Variants in NECTIN3 observed in about 807,000 individuals in gnomAD.
The protein encoded by NECTIN3 is nectin-3.
NECTIN3 carries 8 observed loss-of-function variants against 49.4 expected under a neutral mutation model. That is an observed-to-expected ratio of 0.16 (90% CI 0.10 to 0.29). The LOEUF (loss-of-function observed/expected upper bound fraction) is 0.29. Among genes scored for constraint, NECTIN3 ranks in the 10% least tolerant of loss-of-function variants. The probability of loss-of-function intolerance (pLI) is 1.00; values close to 1 mark genes in which losing one functional copy is unlikely to be tolerated. For missense variants in NECTIN3, 581 were observed against 654.6 expected (o/e 0.89, Z 1.23); for synonymous variants, 277 against 241.1 (o/e 1.15, Z -1.38).
intron 1 of NECTIN3, among the ~76,000 whole-genome samples, chr3:111,076,813 A>G (rs2031231369): frequency 6.6e-6 from 1 of 151,922 alleles, no homozygotes; most frequent in African/African-American, 2.4e-5. Flanking sequence ...CGTCTTTACC[A>G]AAAATACAAA....
chr3:111,185,313 CGT>C lies in NECTIN3; in HGVS notation c.1222-7028_1222-7027del, dbSNP rs1278415855. Among the ~76,000 whole-genome samples the C allele has an allele frequency of 1.8e-4, 27 of 151,956 alleles. No homozygotes were observed. The East Asian group carries it at 5.0e-3, about 28-fold the overall frequency. On this transcript the variant is annotated intron_variant, in intron 7 of 8. Coordinates refer to the NECTIN3 transcript ENST00000493615. ...GAGTTATCAAAAGATAACACATGTG[CGT>C]GTGTGTGTGCGAGTGTGTGTGGATG...
intron 1 of NECTIN3, among the ~76,000 whole-genome samples, chr3:111,079,403 C>T (rs924512225): frequency 3.8e-4 from 58 of 151,574 alleles, no homozygotes; most frequent in African/African-American, 1.3e-3. Flanking sequence ...TTTAAATGTC[C>T]TTTCATTATA....
intron 7 of NECTIN3, among the ~76,000 whole-genome samples, chr3:111,169,000 ACTTTT>A (rs980544577): frequency 6.7e-6 from 1 of 149,934 alleles, no homozygotes; most frequent in African/African-American, 2.5e-5. Flanking sequence ...GAAAACATAT[ACTTTT>A]CTTTATTCAC....
At chr3:111,124,480 G>A (rs113501970) in intron 4 of NECTIN3, among the ~76,000 whole-genome samples, 9 of 152,264 alleles carry the variant, frequency 5.9e-5, no homozygotes, top group African/African-American at 1.7e-4. Flanking sequence ...AAAGGTAATT[G>A]TTAAGACATA....
intron 1 of NECTIN3, among the ~76,000 whole-genome samples, chr3:111,193,741 G>C (rs1297628433): frequency 6.6e-6 from 1 of 152,150 alleles, no homozygotes; most frequent in Non-Finnish European, 1.5e-5. Context: ...ACCTCGTTGG[G>C]TCTCAGGCAT....
At chr3:111,189,558 G>C (rs562079663), upstream of NECTIN3, among the ~76,000 whole-genome samples, 1 of 152,322 alleles carries the variant, frequency 6.6e-6, no homozygotes, top group East Asian at 1.9e-4. Flanking sequence ...TGTCAAGTTA[G>C]ATGCAGCAGT....
intron 1 of NECTIN3, among the ~76,000 whole-genome samples, chr3:111,092,175 C>T (rs1325987752): frequency 6.6e-6 from 1 of 152,154 alleles, no homozygotes; most frequent in Non-Finnish European, 1.5e-5. Flanking sequence ...AGGTTCCCCC[C>T]ACCCCAAGAT....
At chr3:111,160,374 GT>G (rs202024567) in intron 7 of NECTIN3, among the ~76,000 whole-genome samples, 6 of 150,850 alleles carry the variant, frequency 4.0e-5, no homozygotes, top group South Asian at 2.1e-4. Context: ...TTTATTGCCA[GT>G]TTTTTTTTAC....
rs148091740 is a variant in NECTIN3 at position 111,118,602 on chromosome 3, T to TA, written c.503-53dup. Reference sequence around the variant, plus strand: ...TATGTTTAGATGTGACTTGGAAAGATATAAACATATTCTTGTTTGAATGTA... The same window carrying TA: ...TATGTTTAGATGTGACTTGGAAAGATAATAAACATATTCTTGTTTGAATGTA... On this transcript the variant is annotated intron_variant, in intron 2 of 5. Transcript: ENST00000485303. 3,069 of 1,414,130 alleles carry TA rather than the reference T, an allele frequency of 2.2e-3. 62 individuals are homozygous for TA. The African/African-American group carries it at 0.038, about 18-fold the overall frequency. The allele number at this position is 1,414,130 out of a possible 1,614,324, so 87.6% of individuals were successfully genotyped here.
chr3:111,143,315 G>T (rs1294128328), intron 5 of NECTIN3, among the ~76,000 whole-genome samples: 1 of 151,772 alleles, frequency 6.6e-6, no homozygotes, highest in Non-Finnish European at 1.5e-5. Context: ...GAATGACAGA[G>T]TTATAATGTT....
At chr3:111,147,109 CTAAAG>C (rs1410385892) in intron 6 of NECTIN3, among the ~76,000 whole-genome samples, 4 of 152,116 alleles carry the variant, frequency 2.6e-5, no homozygotes, top group Non-Finnish European at 5.9e-5. Flanking sequence ...AAAACATGCA[CTAAAG>C]TAAAGTCATA....
intron 1 of NECTIN3, among the ~76,000 whole-genome samples, chr3:111,078,653 G>A (rs2031396175): frequency 6.6e-6 from 1 of 152,148 alleles, no homozygotes; most frequent in African/African-American, 2.4e-5. Flanking sequence ...TATTCTTAAA[G>A]AGATTTGTAC....
At chr3:111,150,321 A>G (rs138688385) in intron 7 of NECTIN3, among the ~76,000 whole-genome samples, 11 of 151,914 alleles carry the variant, frequency 7.2e-5, no homozygotes, top group African/African-American at 1.2e-4. Context: ...CCTGATACCT[A>G]TTTTCACAGT....
At position 111,135,252 on chromosome 3, in the gene NECTIN3, T is replaced by A; in HGVS notation, c.*1037T>A. 1.0e-6 allele frequency: 1 copy of A among 967,490 alleles called. No individual in the cohort carries two copies. The highest frequency in any genetic ancestry group is 1.2e-6 in the Non-Finnish European group (1 of 813,920). The allele number at this position is 967,490 out of a possible 1,614,324, so 59.9% of individuals were successfully genotyped here. On this transcript the variant is annotated 3_prime_UTR_variant, in exon 6 of 6. Transcript: ENST00000485303. ...GTAAACTTGGAACTTTGGATATAACTAGAAAAAACTAGATTATAGAATTAG... is the reference window on the plus strand; with the variant it reads ...GTAAACTTGGAACTTTGGATATAACAAGAAAAAACTAGATTATAGAATTAG...
chr3:111,087,307 G>C (rs1182565370), intron 1 of NECTIN3, among the ~76,000 whole-genome samples: 1 of 152,104 alleles, frequency 6.6e-6, no homozygotes, highest in African/African-American at 2.4e-5. Flanking sequence ...AGAGGTAAAA[G>C]TGTTCAGCAT....
upstream of NECTIN3, among the ~76,000 whole-genome samples, chr3:111,191,551 C>G (rs1015888135): frequency 6.6e-6 from 1 of 151,226 alleles, no homozygotes; most frequent in East Asian, 2.0e-4. Flanking sequence ...AAAAATTCTT[C>G]TTAGGGTGAA....
intron 7 of NECTIN3, among the ~76,000 whole-genome samples, chr3:111,161,023 G>T (rs1377722566): frequency 6.6e-6 from 1 of 152,124 alleles, no homozygotes; most frequent in Non-Finnish European, 1.5e-5. Context: ...AATGGATCGA[G>T]TTTAGGGAAG....
Position 111,071,821 on chromosome 3 carries a change from C to A in NECTIN3, c.-197C>A, listed in dbSNP as rs913316381. ...CGGCGGGCGGCTCCCGCTTCAGCCT[C>A]GGCAGTGGCGTCGGCGACGGCGGTG... is the stretch of plus-strand genomic sequence containing the variant. On this transcript the variant is annotated 5_prime_UTR_variant, in exon 1 of 6. Coordinates refer to ENST00000485303, the MANE Select transcript of NECTIN3 (RefSeq NM_015480.3). The A allele has an allele frequency of 2.7e-6, 1 of 368,390 alleles. No homozygotes were observed. Among genetic ancestry groups the A allele is most frequent in the African/African-American group, 2.1e-5 (1 of 46,898 alleles). The allele number at this position is 368,390 out of a possible 1,614,324, so 22.8% of individuals were successfully genotyped here. A position where few individuals can be genotyped will look rare whatever the true frequency, so the allele number is the denominator to read the frequency against.
intron 1 of NECTIN3, among the ~76,000 whole-genome samples, chr3:111,086,119 T>C (rs1405825254): frequency 1.3e-5 from 2 of 152,208 alleles, no homozygotes; most frequent in Non-Finnish European, 2.9e-5. Context: ...TTCATTCTTT[T>C]TCCTTTTTAT....
Sources: gnomAD v4.1 joint callset for allele counts (sites outside exome capture counted in the v4.1 genomes callset) on GRCh38, gnomAD v4.1.1 for gene constraint, MANE v1.5 for transcripts, NCBI Gene and HGNC (gene_info 2026-07-23, HGNC 2026-07-21) for gene names.